The following CYTH1 variants were observed in gnomAD, a reference collection of about 807,000 sequenced individuals.
The protein encoded by CYTH1 is cytohesin-1.
Under a neutral mutation model 61.8 loss-of-function variants are expected in CYTH1, and 18 were observed. That is an observed-to-expected ratio of 0.29 (90% CI 0.20 to 0.43). The LOEUF is 0.43. CYTH1 is among the 20% of genes least tolerant of loss of function. CYTH1 has a pLI of 1.00. For synonymous variants in CYTH1, 174 were observed against 184.3 expected (o/e 0.94, Z 0.45); for missense variants, 336 against 510.5 (o/e 0.66, Z 3.29).
At chr17:78,725,660 C>T (rs2093262633) in intron 1 of CYTH1, among the ~76,000 whole-genome samples, 2 of 152,188 alleles carry the variant, frequency 1.3e-5, no homozygotes, top group Admixed American at 6.5e-5. Flanking sequence ...GGCCAGCTTC[C>T]ACTACGCCGA....
At chr17:78,743,121 G>GT (rs2093347594) in intron 1 of CYTH1, among the ~76,000 whole-genome samples, 2 of 152,122 alleles carry the variant, frequency 1.3e-5, no homozygotes, top group Non-Finnish European at 2.9e-5. Context: ...TGTAGAGACA[G>GT]AAAGATGTCT....
intron 9 of CYTH1, chr17:78,696,769 T>A (rs1784249699): frequency 6.6e-6 from 1 of 152,214 alleles, no homozygotes; most frequent in Non-Finnish European, 1.5e-5. Context: ...CTGTTCTAAT[T>A]TTAGTATCTG....
chr17:78,680,666 T>C lies in CYTH1; in HGVS notation c.963+305A>G, dbSNP rs111616097. 1.1e-3 allele frequency among the ~76,000 whole-genome samples: 173 copies of C among 152,184 alleles called. 5 individuals are homozygous for C. Among genetic ancestry groups the C allele is most frequent in the African/African-American group, 3.7e-3 (155 of 41,502 alleles). On this transcript the variant is annotated intron_variant, in intron 12 of 13. Transcript: ENST00000446868. ...CTGACAGCCCAAAACAAAGGAAAAC[T>C]AAACGGGAGGTGTCCCAAGGGTATA...
chr17:78,760,509 A>ATATATGTATATATATATACATATATATG lies in CYTH1; in HGVS notation c.22+21692_22+21693insCATATATATGTATATATATATACATATA, dbSNP rs2093422746. Reference sequence around the variant, plus strand: ...TGTATATATATATACATATATATGTATATATATGTATATATATATATACAT... The same window carrying ATATATGTATATATATATACATATATATG: ...TGTATATATATATACATATATATGTATATATGTATATATATATACATATATATGTATATATGTATATATATATATACAT... On this transcript the variant is annotated intron_variant, in intron 1 of 13. Transcript: ENST00000446868. Among the ~76,000 whole-genome samples, 2 of 45,932 alleles carry ATATATGTATATATATATACATATATATG rather than the reference A, an allele frequency of 4.4e-5. 1 individual carries two copies. Among genetic ancestry groups the ATATATGTATATATATATACATATATATG allele is most frequent in the Admixed American group, 4.6e-4 (2 of 4,310 alleles). 30.1% of individuals were successfully genotyped at this position (45,932 alleles called of 152,430 possible).
rs1408437045 is a variant in CYTH1 at position 78,674,479 on chromosome 17, A to G, written c.*1612T>C. The G allele has an allele frequency of 1.4e-5, 2 of 146,258 alleles. No homozygotes were observed. Among genetic ancestry groups the G allele is most frequent in the Non-Finnish European group, 3.1e-5 (2 of 65,452 alleles). The allele number at this position is 146,258 out of a possible 1,614,324, so 9.1% of individuals were successfully genotyped here. ...CACAAGCTCTGGCACAAAAGTGCCTAAAGCCATTCCCTCCAGGTAGGATCT... is the reference window on the plus strand; with the variant it reads ...CACAAGCTCTGGCACAAAAGTGCCTGAAGCCATTCCCTCCAGGTAGGATCT... On this transcript the variant is annotated 3_prime_UTR_variant, in exon 14 of 14. Transcript: ENST00000446868.
In CYTH1 at chr17:78,680,226, G is replaced by A. The variant is rs370098507; in HGVS notation, c.1082C>T (p.Thr361Met). The change falls in exon 13 of 14, where the codon ACG becomes ATG. Residue 361 changes from threonine to methionine, a missense_variant. Thr to Met is a moderately conservative substitution (Grantham distance 81, BLOSUM62 -1). This residue lies in a region of CYTH1 where 83 missense variants were observed against 115.6 expected (regional missense o/e 0.72). Transcript: ENST00000446868. ...AATCCACTCCTCCTTCTCCTCGGGC[G>A]TCGGAGCTGAGATCCGGTAAACAGT... The part of the protein sequence containing the change: ...NHTVYRISAP[T>M]PEEKEEWIKC... The A allele has an allele frequency of 7.4e-6, 12 of 1,614,056 alleles. No homozygotes were observed. Among genetic ancestry groups the A allele is most frequent in the South Asian group, 2.2e-5 (2 of 91,092 alleles).
At chr17:78,681,116 A>G (rs1010772350) in intron 11 of CYTH1, 74 bp from the exon 12 acceptor site, 7 of 1,449,040 alleles carry the variant, frequency 4.8e-6, no homozygotes, top group African/African-American at 1.4e-5. Flanking sequence ...CTCGCCGGTG[A>G]CTCAGCCGAA....
At chr17:78,746,964 T>C (rs1172289745) in intron 1 of CYTH1, among the ~76,000 whole-genome samples, 1 of 150,918 alleles carries the variant, frequency 6.6e-6, no homozygotes. Context: ...ATAATAAAAG[T>C]GTACACTGAT....
intron 4 of CYTH1, 92 bp downstream of exon 4, chr17:78,702,446 A>C: frequency 7.3e-7 from 1 of 1,371,736 alleles, no homozygotes; most frequent in South Asian, 1.2e-5. Flanking sequence ...CATGAACTGT[A>C]ACGCTTGGAA....
intron 3 of CYTH1, among the ~76,000 whole-genome samples, chr17:78,707,958 C>T (rs1196384604): frequency 2.6e-5 from 4 of 152,256 alleles, no homozygotes; most frequent in Non-Finnish European, 4.4e-5. Context: ...GGATTACAGC[C>T]GTGAGCCACC....
chr17:78,720,710 A>C lies in CYTH1; in HGVS notation c.23-10978T>G, dbSNP rs575067332. Among the ~76,000 whole-genome samples the C allele has an allele frequency of 5.9e-5, 9 of 152,328 alleles. No individual in the cohort carries two copies. In the East Asian group the frequency reaches 9.7e-4, roughly 16 times the overall value. ...GGTGACATGGCAAAACCTCATCTCTACAAAAAATACAAAAGTTAGCCACAT... is the reference window on the plus strand; with the variant it reads ...GGTGACATGGCAAAACCTCATCTCTCCAAAAAATACAAAAGTTAGCCACAT... On this transcript the variant is annotated intron_variant, in intron 1 of 13. Transcript: ENST00000446868.
rs545115008 is a variant in CYTH1 at position 78,776,589 on chromosome 17, G to A, written c.22+5613C>T. On this transcript the variant is annotated intron_variant, in intron 1 of 13. Coordinates refer to ENST00000446868, the MANE Select transcript of CYTH1 (RefSeq NM_004762.6). ...CACGAGAATCGCTTGAACCCGGGAG[G>A]CAGAGGGTGCAGTAAGCCAAGATCG... 1.8e-4 allele frequency among the ~76,000 whole-genome samples: 27 copies of A among 150,678 alleles called. No homozygotes were observed. The South Asian group carries it at 5.6e-3, about 31-fold the overall frequency.
intron 1 of CYTH1, among the ~76,000 whole-genome samples, chr17:78,729,263 C>T (rs1033420589): frequency 1.3e-5 from 2 of 152,026 alleles, no homozygotes; most frequent in African/African-American, 4.8e-5. Flanking sequence ...ATGTGCCACA[C>T]CTGGCTAGGG....
intron 1 of CYTH1, among the ~76,000 whole-genome samples, chr17:78,759,196 C>T (rs371180674): frequency 4.1e-4 from 62 of 152,324 alleles, no homozygotes; most frequent in Middle Eastern, 3.4e-3. Context: ...TCGAAGCCCA[C>T]TGCCTGAGGT....
intron 1 of CYTH1, among the ~76,000 whole-genome samples, chr17:78,741,069 AC>A (rs2093340105): frequency 6.6e-6 from 1 of 152,200 alleles, no homozygotes; most frequent in Admixed American, 6.5e-5. Context: ...GTAGAAGAAA[AC>A]ACTCGTTCGT....
Position 78,678,044 on chromosome 17 carries a change from A to G in CYTH1, c.1119-1875T>C, listed in dbSNP as rs979092738. On this transcript the variant is annotated intron_variant, in intron 13 of 13. Coordinates refer to ENST00000446868, the MANE Select transcript of CYTH1 (RefSeq NM_004762.6). ...ACTGGGTGCAAGAAGGTTTGAGGAC[A>G]GTGTGCCTGCAGAGTGCCAAAGGGG... 6.6e-5 allele frequency: 10 copies of G among 152,344 alleles called. No homozygotes were observed. The South Asian group carries it at 1.4e-3, about 22-fold the overall frequency. The allele number at this position is 152,344 out of a possible 1,614,324, so 9.4% of individuals were successfully genotyped here.
At chr17:78,751,374 C>T (rs1175597675) in intron 1 of CYTH1, among the ~76,000 whole-genome samples, 1 of 151,904 alleles carries the variant, frequency 6.6e-6, no homozygotes, top group East Asian at 1.9e-4. Flanking sequence ...CTCCATAAGG[C>T]ACATCATGGC....
rs1178651940 is a variant in CYTH1, at chr17:78,680,877, G to A, written c.963+94C>T. The A allele has an allele frequency of 1.2e-5, 15 of 1,222,190 alleles. No homozygotes were observed. In the Admixed American group the frequency reaches 1.5e-4, roughly 12 times the overall value. 75.7% of individuals were successfully genotyped at this position (1,222,190 alleles called of 1,614,324 possible). A position where few individuals can be genotyped will look rare whatever the true frequency, so the allele number is the denominator to read the frequency against. ...TTAGACTAAATAAAAGCCTGATCAC[G>A]CTTTTCAGTTTTTTGGTTTTGAGTT... On this transcript the variant is annotated intron_variant, in intron 12 of 13. Coordinates refer to ENST00000446868, the MANE Select transcript of CYTH1 (RefSeq NM_004762.6).
intron 1 of CYTH1, among the ~76,000 whole-genome samples, chr17:78,714,871 AG>A (rs1160756490): frequency 1.3e-5 from 2 of 151,910 alleles, no homozygotes; most frequent in Non-Finnish European, 2.9e-5. Context: ...GAAAAAAGAA[AG>A]AAAAAAAAAA....
Sources: allele counts gnomAD v4.1 joint callset (sites outside exome capture counted in the v4.1 genomes callset), GRCh38; gene constraint gnomAD v4.1.1; regional missense constraint gnomAD v4.1.1; transcripts MANE v1.5; gene names NCBI Gene and HGNC (gene_info 2026-07-23, HGNC 2026-07-21).